The following XKR9 variants were observed in gnomAD, a reference collection of about 807,000 sequenced individuals.
The protein encoded by XKR9 is XK-related protein 9.
Under a neutral mutation model 32.0 loss-of-function variants are expected in XKR9, and 32 were observed. The ratio of observed to expected loss-of-function variants is 1.00; its 90% confidence interval spans 0.76 to 1.34. The LOEUF is 1.34. Ranked by LOEUF, XKR9 falls within the 40% of genes most tolerant of loss-of-function variation. The pLI is 0.00. For missense variants in XKR9, 546 were observed against 429.7 expected, an observed-to-expected ratio of 1.27 and a Z score of -2.39; for synonymous variants, 168 against 143.4, an observed-to-expected ratio of 1.17 and a Z score of -1.22.
rs148501984 is a variant in XKR9 at position 70,679,029 on chromosome 8, T to C, written c.-278-1752T>C. Among the ~76,000 whole-genome samples, 364 of 152,304 alleles carry C rather than the reference T, an allele frequency of 2.4e-3. 3 individuals carry two copies. The highest frequency in any genetic ancestry group is 8.4e-3 in the African/African-American group (350 of 41,564). ...TCTGGACACTGGAAGTCCAAGATCA[T>C]TGTGCCAGCAGGGTTGGTTTCTGGT... On this transcript the variant is annotated intron_variant, in intron 2 of 4. Coordinates refer to ENST00000408926, the MANE Select transcript of XKR9 (RefSeq NM_001011720.2).
At chr8:70,979,797 C>G in the XKR9 span, among the ~76,000 whole-genome samples, 1 of 152,166 alleles carries the variant, frequency 6.6e-6, no homozygotes, top group Non-Finnish European at 1.5e-5. Context: ...TCAGAGCCGT[C>G]AGATAGGGAT....
the XKR9 span, among the ~76,000 whole-genome samples, chr8:70,937,613 A>C: frequency 2.6e-5 from 4 of 152,124 alleles, no homozygotes; most frequent in African/African-American, 9.7e-5. Flanking sequence ...CATGAACACT[A>C]TAGTTATAAA....
At chr8:70,940,897 G>A in the XKR9 span, among the ~76,000 whole-genome samples, 1 of 152,018 alleles carries the variant, frequency 6.6e-6, no homozygotes, top group African/African-American at 2.4e-5. Context: ...GGTTGAGTTA[G>A]GCTCTCCTTC....
chr8:70,877,902 G>C, the XKR9 span, among the ~76,000 whole-genome samples: 9 of 152,180 alleles, frequency 5.9e-5, no homozygotes, highest in African/African-American at 2.2e-4. Flanking sequence ...GTTAAGGGCA[G>C]CCAGAGAGAA....
chr8:70,749,783 G>A (rs1447449635), intron 2 of XKR9, among the ~76,000 whole-genome samples: 2 of 152,224 alleles, frequency 1.3e-5, no homozygotes, highest in African/African-American at 4.8e-5. Context: ...GTTTCTGGCT[G>A]GTGACAGACC....
the XKR9 span, among the ~76,000 whole-genome samples, chr8:71,006,769 G>T: frequency 6.6e-6 from 1 of 152,158 alleles, no homozygotes; most frequent in Non-Finnish European, 1.5e-5. Context: ...AGCAGCCATT[G>T]TTGTGGCCCC....
At chr8:70,751,961 CT>C (rs1377084412) in intron 2 of XKR9, among the ~76,000 whole-genome samples, 2 of 152,224 alleles carry the variant, frequency 1.3e-5, no homozygotes, top group East Asian at 3.8e-4. Flanking sequence ...ATGTATCTCT[CT>C]TTATATCCTA....
intron 4 of XKR9, among the ~76,000 whole-genome samples, chr8:70,729,827 C>T (rs989414421): frequency 3.3e-5 from 5 of 152,108 alleles, no homozygotes; most frequent in South Asian, 2.1e-4. Flanking sequence ...AGCCAAACAG[C>T]ATTTTAAATT....
chr8:70,843,717 A>G, the XKR9 span, among the ~76,000 whole-genome samples: 1 of 152,154 alleles, frequency 6.6e-6, no homozygotes, highest in African/African-American at 2.4e-5. Flanking sequence ...TTACAATCTT[A>G]CCCATGGGAG....
the XKR9 span, among the ~76,000 whole-genome samples, chr8:70,940,295 T>C: frequency 6.6e-6 from 1 of 152,194 alleles, no homozygotes; most frequent in East Asian, 1.9e-4. Context: ...GTGATCTCTC[T>C]ACTACTGATG....
At chr8:70,771,516 A>G (rs1178209322) in intron 2 of XKR9, among the ~76,000 whole-genome samples, 1 of 152,212 alleles carries the variant, frequency 6.6e-6, no homozygotes, top group Non-Finnish European at 1.5e-5. Context: ...CTTTCCAAGG[A>G]AGATGGATAC....
At chr8:70,889,140 A>G in the XKR9 span, among the ~76,000 whole-genome samples, 4 of 150,138 alleles carry the variant, frequency 2.7e-5, no homozygotes, top group African/African-American at 9.8e-5. Context: ...AGTGTTTTAT[A>G]GATTTTGTTG....
the XKR9 span, among the ~76,000 whole-genome samples, chr8:71,017,092 T>C: frequency 0.43 from 65,730 of 152,006 alleles, 15,262 homozygotes; most frequent in Non-Finnish European, 0.53. Flanking sequence ...TTCAGCAAAC[T>C]ACCAATGTAA....
the XKR9 span, among the ~76,000 whole-genome samples, chr8:70,806,256 T>C: frequency 6.6e-6 from 1 of 150,636 alleles, no homozygotes; most frequent in Non-Finnish European, 1.5e-5. Context: ...CAGAAACCCA[T>C]TCCAAAGGTC....
the XKR9 span, among the ~76,000 whole-genome samples, chr8:70,901,454 CT>C: frequency 6.6e-6 from 1 of 152,160 alleles, no homozygotes; most frequent in African/African-American, 2.4e-5. Flanking sequence ...GCATAAATGT[CT>C]TCTTTTGAGA....
chr8:70,857,957 G>A, the XKR9 span, among the ~76,000 whole-genome samples: 1 of 152,064 alleles, frequency 6.6e-6, no homozygotes, highest in Non-Finnish European at 1.5e-5. Flanking sequence ...GTATTGATGG[G>A]ACGCATCTCA....
chr8:71,047,265 G>T, the XKR9 span, among the ~76,000 whole-genome samples: 1 of 152,178 alleles, frequency 6.6e-6, no homozygotes, highest in Non-Finnish European at 1.5e-5. Flanking sequence ...CTTGTTATTT[G>T]GCTGCCACGT....
intron 4 of XKR9, among the ~76,000 whole-genome samples, chr8:70,708,287 A>G (rs557771944): frequency 2.6e-5 from 4 of 152,188 alleles, no homozygotes; most frequent in Admixed American, 6.6e-5. Flanking sequence ...AGCCTGTATT[A>G]TGGGAGATCT....
chr8:70,754,421 G>A (rs1426004007), intron 2 of XKR9, among the ~76,000 whole-genome samples: 1 of 125,380 alleles, frequency 8.0e-6, no homozygotes, highest in Non-Finnish European at 1.9e-5. Context: ...CTACTTTAAA[G>A]TTCATATGAA....
Sources: allele counts gnomAD v4.1 joint callset (sites outside exome capture counted in the v4.1 genomes callset), GRCh38; gene constraint gnomAD v4.1.1; transcripts MANE v1.5; gene names NCBI Gene and HGNC (gene_info 2026-07-23, HGNC 2026-07-21).